Variants in LGALS8 observed in about 807,000 individuals in gnomAD.
LGALS8 encodes galectin 8, also known as galectin-8.
In LGALS8, 30 loss-of-function variants were observed where a neutral mutation model predicts 35.9. The ratio of observed to expected loss-of-function variants is 0.83; its 90% CI spans 0.62 to 1.13. The LOEUF (loss-of-function observed/expected upper bound fraction) is 1.13, where lower values mean the gene tolerates loss of function less well. Among genes scored for constraint, LGALS8 ranks in the 50% most tolerant of loss-of-function variants. The probability of loss-of-function intolerance (pLI) is 0.00; values close to 1 mark genes in which losing one functional copy is unlikely to be tolerated. For missense variants in LGALS8, 366 were observed against 388.7 expected (o/e 0.94, Z 0.49); for synonymous variants, 138 against 136.1 (o/e 1.01, Z -0.10).
At chr1:236,539,815 G>C (rs1033255308) in intron 4 of LGALS8, among the ~76,000 whole-genome samples, 7 of 152,330 alleles carry the variant, frequency 4.6e-5, no homozygotes, top group African/African-American at 1.7e-4. Flanking sequence ...GCCCGTGTCT[G>C]TATCATTCTT....
At chr1:236,533,534 A>G (rs1661269491) in intron 2 of LGALS8, among the ~76,000 whole-genome samples, 4 of 151,916 alleles carry the variant, frequency 2.6e-5, no homozygotes. Context: ...GGGTTTCTCC[A>G]CGTTGGTCAG....
At chr1:236,519,435 C>T (rs1440643434), upstream of LGALS8, among the ~76,000 whole-genome samples, 3 of 151,768 alleles carry the variant, frequency 2.0e-5, no homozygotes, top group Non-Finnish European at 2.9e-5. Flanking sequence ...TATATTATAC[C>T]ATATAAATGT....
At chr1:236,544,678 C>T in intron 8 of LGALS8, 72 bp from the exon 9 acceptor site, 1 of 1,195,570 alleles carries the variant, frequency 8.4e-7, no homozygotes, top group Non-Finnish European at 1.2e-6. Context: ...TGGTCACTAA[C>T]ATTGCTGAAA....
In LGALS8 at chr1:236,533,637, ATTT is replaced by A. The variant is rs57058408; in HGVS notation, c.46-3848_46-3846del. On this transcript the variant is annotated intron_variant, in intron 2 of 9. Coordinates refer to ENST00000366584, the MANE Select transcript of LGALS8 (RefSeq NM_201544.4). The stretch of plus-strand genomic sequence containing the variant: ...GTGTTAGCCACTGCGCCTGACCCCC[ATTT>A]TTTTTTTTTTTAAAGATGTTGAATT... Among the ~76,000 whole-genome samples, 199 of 147,072 alleles carry A rather than the reference ATTT, an allele frequency of 1.4e-3. 2 individuals carry two copies. The highest frequency in any genetic ancestry group is 4.4e-3 in the African/African-American group (179 of 40,348).
At chr1:236,525,217 A>G (rs12077662) in intron 1 of LGALS8, among the ~76,000 whole-genome samples, 9,994 of 152,146 alleles carry the variant, frequency 0.066, 1,116 homozygotes, top group African/African-American at 0.23. Flanking sequence ...AGGAAGAGCA[A>G]TTCTTTCTAT....
chr1:236,530,063 C>G (rs780161608), intron 2 of LGALS8, among the ~76,000 whole-genome samples: 16 of 152,168 alleles, frequency 1.1e-4, no homozygotes, highest in Admixed American at 2.6e-4. Context: ...CATTATCTAC[C>G]TATATATTTA....
In LGALS8 at chr1:236,541,660, C is replaced by A. The variant is rs952862380; in HGVS notation, c.472C>A (p.Gln158Lys). The change falls in exon 6 of 10, where the codon CAA (glutamine) becomes AAA (lysine). Residue 158 changes from glutamine to lysine, a missense_variant. Physicochemically the swap from Gln to Lys is moderately conservative, Grantham distance 53. Coordinates refer to ENST00000366584, the MANE Select transcript of LGALS8 (RefSeq NM_201544.4). Reference sequence around the variant, plus strand: ...CTTTATTATCTTTTCTCAGGACTTACAAAGTACCCAAGCATCTAGTCTGGA... The same window carrying A: ...CTTTATTATCTTTTCTCAGGACTTAAAAAGTACCCAAGCATCTAGTCTGGA... ...SIGFSFSSDL[Q>K]STQASSLELT... 5 of 1,502,704 alleles carry A rather than the reference C, an allele frequency of 3.3e-6. No individual in the cohort carries two copies. Among genetic ancestry groups the A allele is most frequent in the Middle Eastern group, 2.0e-4 (1 of 4,888 alleles). 93.1% of individuals were successfully genotyped at this position (1,502,704 alleles called of 1,614,324 possible).
intron 2 of LGALS8, among the ~76,000 whole-genome samples, chr1:236,531,016 C>T (rs558468098): frequency 6.6e-6 from 1 of 152,104 alleles, no homozygotes; most frequent in Non-Finnish European, 1.5e-5. Context: ...TGTCTCTTTA[C>T]GTGCATGCAT....
In LGALS8 at chr1:236,548,240, G is replaced by C; in HGVS notation, c.*79G>C. ...TGGCCTTGCTGAAACGCATCTCACT[G>C]TCATTCTATTGTTTATATTGTTAAA... On this transcript the variant is annotated 3_prime_UTR_variant, in exon 10 of 10. Transcript: ENST00000366584. 3 of 1,252,466 alleles carry C rather than the reference G, an allele frequency of 2.4e-6. No individual in the cohort carries two copies. Among genetic ancestry groups the C allele is most frequent in the Non-Finnish European group, 1.1e-6 (1 of 883,164 alleles). The allele number at this position is 1,252,466 out of a possible 1,614,324, so 77.6% of individuals were successfully genotyped here. A position where few individuals can be genotyped will look rare whatever the true frequency, so the allele number is the denominator to read the frequency against.
chr1:236,537,933 G>GT (rs1553277040), intron 3 of LGALS8, among the ~76,000 whole-genome samples: 9,249 of 62,428 alleles, frequency 0.15, 577 homozygotes, highest in African/African-American at 0.21. Context: ...CCCCCCATCT[G>GT]TAAAAAAAAA....
chr1:236,542,937 T>C lies in LGALS8; in HGVS notation c.549+150T>C, dbSNP rs758241074. ...CAGCCTAGTAATAGAGGAGGAGACA[T>C]TTCTAAAATCGCACCCAGAACTGTC... is the stretch of plus-strand genomic sequence containing the variant. On this transcript the variant is annotated intron_variant, in intron 7 of 9. Transcript: ENST00000366584. The C allele has an allele frequency of 2.8e-5, 45 of 1,614,130 alleles. No individual in the cohort carries two copies. The East Asian group carries it at 5.6e-4, about 20-fold the overall frequency.
chr1:236,526,054 C>T lies in LGALS8; in HGVS notation c.-17C>T, dbSNP rs1356602560. ...CATACACAGAAGAGACTCCAATCGA[C>T]AAGAAGCTGGAAAAGAATGATGTTG... is the stretch of plus-strand genomic sequence containing the variant. On this transcript the variant is annotated 5_prime_UTR_variant, in exon 2 of 10. Coordinates refer to ENST00000366584, the MANE Select transcript of LGALS8 (RefSeq NM_201544.4). This position sits in a 1 kb window ranked among gnomAD's most constrained non-coding sequence, Gnocchi z 4.6. 1.9e-6 allele frequency: 3 copies of T among 1,609,014 alleles called. No individual in the cohort carries two copies. Among genetic ancestry groups the T allele is most frequent in the South Asian group, 1.1e-5 (1 of 90,946 alleles).
At chr1:236,521,550 C>A (rs1304735208), upstream of LGALS8, among the ~76,000 whole-genome samples, 1 of 152,160 alleles carries the variant, frequency 6.6e-6, no homozygotes, top group East Asian at 1.9e-4. Context: ...GACGGTTGGC[C>A]GGATGCAGTG....
chr1:236,531,446 C>G (rs1661138764), intron 2 of LGALS8, among the ~76,000 whole-genome samples: 2 of 152,172 alleles, frequency 1.3e-5, no homozygotes, highest in African/African-American at 4.8e-5. Context: ...GCCTCAGCCT[C>G]CGGAGTAGCT....
intron 2 of LGALS8, among the ~76,000 whole-genome samples, chr1:236,529,881 G>T (rs574274706): frequency 6.6e-6 from 1 of 152,188 alleles, no homozygotes; most frequent in South Asian, 2.1e-4. Context: ...TCGAACTCCT[G>T]AGCTCAGGCA....
chr1:236,521,157 CATAAA>C (rs1660539261), upstream of LGALS8, among the ~76,000 whole-genome samples: 1 of 152,106 alleles, frequency 6.6e-6, no homozygotes, highest in Non-Finnish European at 1.5e-5. Flanking sequence ...GGTGAAGTAA[CATAAA>C]ATAAAAAGGC....
intron 9 of LGALS8, among the ~76,000 whole-genome samples, chr1:236,547,014 A>T (rs1447593947): frequency 4.0e-5 from 1 of 25,188 alleles, no homozygotes; most frequent in East Asian, 7.2e-4. Context: ...CACTGCTCCT[A>T]TCAAAAGAAT....
At chr1:236,520,411 GA>G (rs1660518566), upstream of LGALS8, among the ~76,000 whole-genome samples, 1 of 147,358 alleles carries the variant, frequency 6.8e-6, no homozygotes, top group South Asian at 2.2e-4. Flanking sequence ...GAGAAAACCT[GA>G]ATCTGCCCTT....
upstream of LGALS8, among the ~76,000 whole-genome samples, chr1:236,520,285 T>C (rs1468524533): frequency 6.6e-6 from 1 of 151,622 alleles, no homozygotes; most frequent in Non-Finnish European, 1.5e-5. Context: ...ATTTTAAGTA[T>C]GTGTGTAGTA....
Sources: allele counts gnomAD v4.1 joint callset (sites outside exome capture counted in the v4.1 genomes callset), GRCh38; gene constraint gnomAD v4.1.1; non-coding constraint Gnocchi (gnomAD v3.1); transcripts MANE v1.5; gene names NCBI Gene and HGNC (gene_info 2026-07-23, HGNC 2026-07-21).